MARCHF8: variants seen among roughly 807,000 people sequenced by gnomAD.
The protein encoded by MARCHF8 is E3 ubiquitin-protein ligase MARCHF8.
Under a neutral mutation model 51.6 loss-of-function variants are expected in MARCHF8, and 40 were observed. That is an observed-to-expected ratio of 0.77 (90% CI 0.60 to 1.01). The LOEUF (loss-of-function observed/expected upper bound fraction) is 1.01. Among genes scored for constraint, MARCHF8 ranks in the 50% least tolerant of loss-of-function variants. MARCHF8 has a pLI of 0.00. For synonymous variants in MARCHF8, 263 were observed against 280.3 expected (o/e 0.94, Z 0.62); for missense variants, 685 against 708.6 (o/e 0.97, Z 0.38).
intron 2 of MARCHF8, among the ~76,000 whole-genome samples, chr10:45,520,394 G>C (rs921580165): frequency 6.6e-6 from 1 of 152,198 alleles, no homozygotes. Context: ...GTGAATACTT[G>C]ACATAGTATA....
intron 1 of MARCHF8, among the ~76,000 whole-genome samples, chr10:45,574,105 T>G (rs201155759): frequency 0.067 from 9,372 of 139,084 alleles, 333 homozygotes; most frequent in African/African-American, 0.074. Flanking sequence ...CGTAGTATAG[T>G]ATACCTCTAC....
intron 1 of MARCHF8, among the ~76,000 whole-genome samples, chr10:45,546,138 T>TTTATTTATTTA (rs2044118123): frequency 1.4e-5 from 2 of 147,688 alleles, no homozygotes; most frequent in African/African-American, 5.0e-5. Context: ...TGAGCTGAAT[T>TTTATTTATTTA]TTTATTTATT....
chr10:45,454,702 G>A lies in MARCHF8; in HGVS notation c.*3537C>T, dbSNP rs1842552575. The A allele has an allele frequency of 6.6e-6, 1 of 152,290 alleles. No individual in the cohort carries two copies. The highest frequency in any genetic ancestry group is 6.5e-5 in the Admixed American group (1 of 15,296). The allele number at this position is 152,290 out of a possible 1,614,324, so 9.4% of individuals were successfully genotyped here. On this transcript the variant is annotated 3_prime_UTR_variant, in exon 8 of 8. Transcript: ENST00000453424. ...TGAGAAACAGTGAACACACACAAAA[G>A]AATACAAAACTAGACATTTAGATCA...
At chr10:45,520,353 T>C (rs1463358352) in intron 2 of MARCHF8, among the ~76,000 whole-genome samples, 1 of 152,244 alleles carries the variant, frequency 6.6e-6, no homozygotes, top group Admixed American at 6.5e-5. Context: ...GTATTCACAG[T>C]AATAAACATT....
chr10:45,509,071 T>C (rs1019321981), intron 2 of MARCHF8, among the ~76,000 whole-genome samples: 6 of 152,182 alleles, frequency 3.9e-5, no homozygotes, highest in African/African-American at 7.2e-5. Flanking sequence ...CAGAACCCCA[T>C]GGAAAAGGGC....
At chr10:45,575,793 A>G (rs1370680073) in intron 1 of MARCHF8, among the ~76,000 whole-genome samples, 1 of 152,166 alleles carries the variant, frequency 6.6e-6, no homozygotes, top group Admixed American at 6.5e-5. Flanking sequence ...AGAATCACAA[A>G]AGAAGTGAAA....
At chr10:45,561,851 A>G (rs1246312182) in intron 1 of MARCHF8, among the ~76,000 whole-genome samples, 5 of 148,360 alleles carry the variant, frequency 3.4e-5, no homozygotes, top group African/African-American at 4.9e-5. Flanking sequence ...CAGTGAGCCA[A>G]GATGGAGCCT....
At chr10:45,512,765 G>A (rs1276958896) in intron 2 of MARCHF8, among the ~76,000 whole-genome samples, 5 of 152,128 alleles carry the variant, frequency 3.3e-5, no homozygotes, top group Admixed American at 6.5e-5. Context: ...CGACAATGGC[G>A]GTTTTGTGGA....
chr10:45,525,913 C>G (rs909136476), intron 2 of MARCHF8, among the ~76,000 whole-genome samples: 4 of 152,012 alleles, frequency 2.6e-5, no homozygotes, highest in African/African-American at 9.7e-5. Context: ...CCAAGAGGAG[C>G]CTAAGGAGAT....
At chr10:45,542,402 T>C (rs1190141765) in intron 1 of MARCHF8, among the ~76,000 whole-genome samples, 2 of 145,694 alleles carry the variant, frequency 1.4e-5, no homozygotes, top group Non-Finnish European at 3.0e-5. Context: ...GGCCAAAACC[T>C]GACCTGAACT....
At chr10:45,564,280 T>C (rs2044341366) in intron 1 of MARCHF8, among the ~76,000 whole-genome samples, 1 of 151,804 alleles carries the variant, frequency 6.6e-6, no homozygotes, top group South Asian at 2.1e-4. Flanking sequence ...TCTCAAAAAA[T>C]ATAAATAAGA....
chr10:45,507,811 G>GA (rs34156328), intron 2 of MARCHF8, among the ~76,000 whole-genome samples: 30,652 of 122,020 alleles, frequency 0.25, 3,268 homozygotes, highest in Non-Finnish European at 0.27. Flanking sequence ...GCTCAGTTTT[G>GA]AAAAAAAAAA....
chr10:45,554,576 TGCC>T (rs2044230936), intron 1 of MARCHF8, among the ~76,000 whole-genome samples: 1 of 152,096 alleles, frequency 6.6e-6, no homozygotes, highest in Non-Finnish European at 1.5e-5. Context: ...GAAGCACCCA[TGCC>T]AAAATGACCC....
chr10:45,568,886 G>C (rs895791029), intron 1 of MARCHF8, among the ~76,000 whole-genome samples: 5 of 151,452 alleles, frequency 3.3e-5, no homozygotes, highest in African/African-American at 1.2e-4. Flanking sequence ...GGCTAACACG[G>C]TAAAACCCTG....
chr10:45,479,297 T>G (rs545217363), intron 3 of MARCHF8, among the ~76,000 whole-genome samples: 28 of 152,182 alleles, frequency 1.8e-4, no homozygotes, highest in Non-Finnish European at 3.5e-4. Context: ...TCAACATTCC[T>G]TCATGATAAA....
In MARCHF8 at chr10:45,546,138, T is replaced by TTTTATTTATTTATTTA. The variant is rs370400917; in HGVS notation, c.-78-12865_-78-12850dup. On this transcript the variant is annotated intron_variant, in intron 1 of 6. Coordinates refer to the MARCHF8 transcript ENST00000319836. ...TTTAAAATATAAAAATGAGCTGAAT[T>TTTTATTTATTTATTTA]TTTATTTATTTATTTATTTATTTAT... is the stretch of plus-strand genomic sequence containing the variant. 4.1e-3 allele frequency among the ~76,000 whole-genome samples: 613 copies of TTTTATTTATTTATTTA among 147,788 alleles called. 2 individuals carry two copies. The highest frequency in any genetic ancestry group is 0.014 in the African/African-American group (574 of 39,726).
intron 1 of MARCHF8, among the ~76,000 whole-genome samples, chr10:45,543,797 CAA>C (rs35514763): frequency 4.3e-3 from 216 of 49,676 alleles, no homozygotes; most frequent in African/African-American, 0.012. Context: ...GACTCCGTCT[CAA>C]AAAAAAAAAA....
chr10:45,529,503 A>G (rs1392701281), intron 2 of MARCHF8, among the ~76,000 whole-genome samples: 1 of 152,216 alleles, frequency 6.6e-6, no homozygotes, highest in Non-Finnish European at 1.5e-5. Context: ...GCTTCTACAC[A>G]GCAAATAAAT....
intron 3 of MARCHF8, among the ~76,000 whole-genome samples, chr10:45,484,149 A>G (rs1296305304): frequency 2.6e-5 from 4 of 152,228 alleles, no homozygotes; most frequent in Non-Finnish European, 5.9e-5. Flanking sequence ...TATGCATGTA[A>G]CAAAATATCA....
Sources: allele counts gnomAD v4.1 joint callset (sites outside exome capture counted in the v4.1 genomes callset), GRCh38; gene constraint gnomAD v4.1.1; transcripts MANE v1.5; gene names NCBI Gene and HGNC (gene_info 2026-07-23, HGNC 2026-07-21).